KCTD1: variants seen among roughly 807,000 people sequenced by gnomAD.
The protein encoded by KCTD1 is BTB/POZ domain-containing protein KCTD1.
KCTD1 carries 24 observed loss-of-function variants against 66.0 expected under a neutral mutation model. The observed-to-expected ratio is 0.36, with a 90% CI of 0.26 to 0.51. KCTD1 has a LOEUF of 0.51. KCTD1 is among the 20% of genes least tolerant of loss of function. The pLI is 0.95. For missense variants in KCTD1, 943 were observed against 1,205.2 expected (o/e 0.78, Z 3.22); for synonymous variants, 511 against 517.2 (o/e 0.99, Z 0.16).
At chr18:26,539,202 C>T (rs1369667668) in intron 1 of KCTD1, among the ~76,000 whole-genome samples, 2 of 152,188 alleles carry the variant, frequency 1.3e-5, no homozygotes, top group African/African-American at 2.4e-5. Context: ...TAGTTACTTA[C>T]CAGTTGTTAG....
chr18:26,457,249 A>T (rs575741924), intron 4 of KCTD1: 1 of 152,326 alleles, frequency 6.6e-6, no homozygotes, highest in East Asian at 1.9e-4. Flanking sequence ...ATGCATATGC[A>T]TACCTGTCAG....
intron 1 of KCTD1, among the ~76,000 whole-genome samples, chr18:26,563,616 T>C (rs1308118840): frequency 6.6e-6 from 1 of 152,180 alleles, no homozygotes; most frequent in Admixed American, 6.5e-5. Flanking sequence ...CAAGAGAATG[T>C]AGTATAGTGG....
At chr18:26,475,773 AC>A (rs1421922556) in intron 3 of KCTD1, among the ~76,000 whole-genome samples, 1 of 152,032 alleles carries the variant, frequency 6.6e-6, no homozygotes, top group African/African-American at 2.4e-5. Flanking sequence ...AATTGCTTGA[AC>A]CCAGGAGGCA....
intron 1 of KCTD1, among the ~76,000 whole-genome samples, chr18:26,556,034 G>A (rs138163284): frequency 1.3e-4 from 20 of 151,190 alleles, no homozygotes; most frequent in Non-Finnish European, 1.8e-4. Flanking sequence ...AACTAAAAAA[G>A]AAAAAAAAAT....
chr18:26,628,990 T>C (rs1987562106), intron 1 of KCTD1, among the ~76,000 whole-genome samples: 1 of 152,198 alleles, frequency 6.6e-6, no homozygotes, highest in South Asian at 2.1e-4. Context: ...CAGGGGACTT[T>C]TAGTAAATGA....
intron 1 of KCTD1, among the ~76,000 whole-genome samples, chr18:26,648,077 C>T (rs1303268132): frequency 6.6e-6 from 1 of 152,102 alleles, no homozygotes; most frequent in Non-Finnish European, 1.5e-5. Context: ...AACTCCTAAC[C>T]TCAAGGGATC....
upstream of KCTD1, among the ~76,000 whole-genome samples, chr18:26,631,502 T>G (rs1169853845): frequency 6.6e-6 from 1 of 152,184 alleles, no homozygotes; most frequent in African/African-American, 2.4e-5. Flanking sequence ...GGTATTCTAA[T>G]CTAATGGGAC....
intron 4 of KCTD1, chr18:26,458,176 C>A (rs1192759319): frequency 6.6e-6 from 1 of 152,348 alleles, no homozygotes; most frequent in Admixed American, 6.5e-5. Flanking sequence ...GGGAACCCTG[C>A]GACCCAGCAG....
intron 1 of KCTD1, among the ~76,000 whole-genome samples, chr18:26,611,393 C>T (rs1386774815): frequency 6.6e-6 from 1 of 152,102 alleles, no homozygotes; most frequent in African/African-American, 2.4e-5. Context: ...CTCTGTCTCC[C>T]AGGCTGGAGT....
At chr18:26,505,407 C>T (rs1229753686) in intron 1 of KCTD1, among the ~76,000 whole-genome samples, 1 of 152,278 alleles carries the variant, frequency 6.6e-6, no homozygotes, top group East Asian at 1.9e-4. Flanking sequence ...ATTTCGATTT[C>T]TGCGCATTGC....
chr18:26,625,268 C>T (rs1242419122), intron 1 of KCTD1, among the ~76,000 whole-genome samples: 1 of 152,112 alleles, frequency 6.6e-6, no homozygotes, highest in Non-Finnish European at 1.5e-5. Context: ...AATGTAAGGA[C>T]ATGAGATTTG....
intron 1 of KCTD1, among the ~76,000 whole-genome samples, chr18:26,647,248 C>T (rs1987940579): frequency 6.6e-6 from 1 of 151,914 alleles, no homozygotes; most frequent in Non-Finnish European, 1.5e-5. Context: ...GTGGCTCACG[C>T]CTGTAACCCC....
chr18:26,502,909 A>G (rs1014594208), intron 1 of KCTD1, among the ~76,000 whole-genome samples: 1 of 152,216 alleles, frequency 6.6e-6, no homozygotes, highest in Admixed American at 6.5e-5. Flanking sequence ...TTTGCAAAAC[A>G]TCATAGATTT....
At position 26,548,474 on chromosome 18, in the gene KCTD1, G is replaced by A; in HGVS notation, c.63C>T (p.Ala21=). The change falls in exon 1 of 5, where the codon GCC becomes GCT. Residue 21 remains alanine, a synonymous_variant. Transcript: ENST00000580059. ...CCCCATTGTTCTCGGCGGCGGCGGC[G>A]GCAGCGCTGGCGCTGCCGCCCGCGC... is the stretch of plus-strand genomic sequence containing the variant. The part of the protein sequence containing the change: ...NTSAGGSASA[A]AAAAENNGER... 1.6e-6 allele frequency: 2 copies of A among 1,254,754 alleles called. No homozygotes were observed. The highest frequency in any genetic ancestry group is 3.7e-5 in the South Asian group (1 of 27,316). 77.7% of individuals were successfully genotyped at this position (1,254,754 alleles called of 1,614,324 possible).
chr18:26,514,851 A>G (rs34922907), intron 1 of KCTD1, among the ~76,000 whole-genome samples: 14,281 of 152,216 alleles, frequency 0.094, 747 homozygotes, highest in Non-Finnish European at 0.12. Flanking sequence ...AGCACAGGAG[A>G]TTTGTTTCTT....
At position 26,548,357 on chromosome 18, in the gene KCTD1, C is replaced by A. The variant is rs1411836243; in HGVS notation, c.180G>T (p.Glu60Asp). The stretch of plus-strand genomic sequence containing the variant: ...CCTCCTGGATCTCGTCCTCCTCCTC[C>A]TCTTCCTCCTCCTCCTCGCCCGCGC... ...YCSAGEEEEE[E>D]EEEDEIQEVQ... Residue 60 changes from glutamate (E) to aspartate (D), a missense_variant, in exon 1 of 5, where the codon GAG becomes GAT. Coordinates refer to ENST00000580059, the MANE Select transcript of KCTD1 (RefSeq NM_001142730.3). The A allele has an allele frequency of 4.0e-6, 6 of 1,487,016 alleles. No homozygotes were observed. The highest frequency in any genetic ancestry group is 3.6e-6 in the Non-Finnish European group (4 of 1,120,252). The allele number at this position is 1,487,016 out of a possible 1,614,324, so 92.1% of individuals were successfully genotyped here.
chr18:26,573,524 T>TG (rs1324457400), intron 1 of KCTD1, among the ~76,000 whole-genome samples: 1 of 152,246 alleles, frequency 6.6e-6, no homozygotes, highest in Non-Finnish European at 1.5e-5. Context: ...TGTTTATGTT[T>TG]GGGCACAACT....
chr18:26,552,806 C>T (rs1460892930), upstream of KCTD1, among the ~76,000 whole-genome samples: 1 of 151,972 alleles, frequency 6.6e-6, no homozygotes, highest in Admixed American at 6.6e-5. Flanking sequence ...ATTTTGTGGG[C>T]TCTTGAGAGC....
intron 1 of KCTD1, among the ~76,000 whole-genome samples, chr18:26,533,594 G>A (rs1984550150): frequency 6.6e-6 from 1 of 152,250 alleles, no homozygotes; most frequent in Non-Finnish European, 1.5e-5. Context: ...CCACCTCCCA[G>A]GCTCAAGCAA....
Sources: allele counts gnomAD v4.1 joint callset (sites outside exome capture counted in the v4.1 genomes callset), GRCh38; gene constraint gnomAD v4.1.1; transcripts MANE v1.5; gene names NCBI Gene and HGNC (gene_info 2026-07-23, HGNC 2026-07-21).